PTK2B: variants seen among roughly 807,000 people sequenced by gnomAD.
The protein encoded by PTK2B is protein-tyrosine kinase 2-beta.
PTK2B carries 71 observed loss-of-function variants against 142.9 expected under a neutral mutation model. That is an observed-to-expected ratio of 0.50 (90% CI 0.41 to 0.61). The LOEUF (loss-of-function observed/expected upper bound fraction) is 0.61, where lower values mean the gene tolerates loss of function less well. PTK2B is among the 20% of genes least tolerant of loss of function. The pLI is 0.00. For synonymous variants in PTK2B, 519 were observed against 503.4 expected (o/e 1.03, Z -0.42); for missense variants, 1,105 against 1,320.4 (o/e 0.84, Z 2.53).
intron 1 of PTK2B, among the ~76,000 whole-genome samples, chr8:27,328,882 C>A (rs1803569010): frequency 6.6e-6 from 1 of 151,920 alleles, no homozygotes; most frequent in Non-Finnish European, 1.5e-5. Flanking sequence ...CTAATTCATT[C>A]TAGACTAGGC....
At chr8:27,454,706 A>G in intron 30 of PTK2B, 95 bp downstream of exon 30, 1 of 1,299,760 alleles carries the variant, frequency 7.7e-7, no homozygotes, top group Non-Finnish European at 1.1e-6. Context: ...GGGCAACCTC[A>G]TGTCTGTCCA....
chr8:27,372,484 T>C (rs533388086), intron 1 of PTK2B, among the ~76,000 whole-genome samples: 1 of 152,298 alleles, frequency 6.6e-6, no homozygotes, highest in East Asian at 1.9e-4. Flanking sequence ...TTTTGTTCTA[T>C]TTAGGCCTTT....
rs550097285 is a variant in PTK2B, at chr8:27,386,423, C to A, written c.-37-11125C>A. ...AATTGGCAATTGTACTAGTTCATTT[C>A]AAGTCCATGAACATAAGTTTTTCTT... is the stretch of plus-strand genomic sequence containing the variant. On this transcript the variant is annotated intron_variant, in intron 1 of 30. Coordinates refer to ENST00000346049, the MANE Select transcript of PTK2B (RefSeq NM_173176.3). Among the ~76,000 whole-genome samples, 4 of 152,294 alleles carry A rather than the reference C, an allele frequency of 2.6e-5. No homozygotes were observed. In the South Asian group the frequency reaches 8.3e-4, roughly 32 times the overall value.
At chr8:27,389,170 A>G (rs1807555734) in intron 1 of PTK2B, among the ~76,000 whole-genome samples, 2 of 152,080 alleles carry the variant, frequency 1.3e-5, no homozygotes, top group Non-Finnish European at 1.5e-5. Flanking sequence ...ATTATGATCT[A>G]ATAGATGGGG....
intron 1 of PTK2B, among the ~76,000 whole-genome samples, chr8:27,382,552 C>T (rs1807090555): frequency 1.3e-5 from 2 of 151,346 alleles, no homozygotes; most frequent in African/African-American, 4.9e-5. Flanking sequence ...GAGATGCTGT[C>T]TCTGTTTTTT....
At chr8:27,353,363 GCTGTTTTT>G (rs1464570583) in intron 1 of PTK2B, among the ~76,000 whole-genome samples, 1 of 152,186 alleles carries the variant, frequency 6.6e-6, no homozygotes, top group Non-Finnish European at 1.5e-5. Flanking sequence ...CCAAGAAAGT[GCTGTTTTT>G]TGCTAGGACA....
At chr8:27,433,996 G>A (rs1810607830) in intron 11 of PTK2B, 97 bp from the exon 12 acceptor site, 12 of 1,438,240 alleles carry the variant, frequency 8.3e-6, no homozygotes, top group African/African-American at 1.4e-5. Context: ...GGCTGGGATG[G>A]GAGGAGAGTC....
chr8:27,440,549 A>G, intron 21 of PTK2B, 108 bp downstream of exon 21: 3 of 1,321,382 alleles, frequency 2.3e-6, no homozygotes, highest in Non-Finnish European at 2.1e-6. Flanking sequence ...AAGACGGGCC[A>G]GGGTCAAGGA....
intron 5 of PTK2B, among the ~76,000 whole-genome samples, chr8:27,423,200 C>A (rs1809868636): frequency 6.6e-6 from 1 of 152,106 alleles, no homozygotes; most frequent in African/African-American, 2.4e-5. Context: ...AAAAAATAGG[C>A]CTTATTCTTA....
intron 24 of PTK2B, among the ~76,000 whole-genome samples, chr8:27,448,652 C>T (rs900239808): frequency 1.6e-4 from 25 of 152,316 alleles, no homozygotes; most frequent in Non-Finnish European, 3.1e-4. Context: ...GTAGCTCATC[C>T]AACTGGTACT....
chr8:27,424,339 T>C (rs956667691), intron 5 of PTK2B, among the ~76,000 whole-genome samples: 8 of 152,154 alleles, frequency 5.3e-5, no homozygotes, highest in Non-Finnish European at 1.0e-4. Context: ...CACTAATGTA[T>C]TGGAGGACAG....
At chr8:27,438,056 AGTTGC>A in intron 18 of PTK2B, 176 bp downstream of exon 18, 1 of 607,180 alleles carries the variant, frequency 1.6e-6, no homozygotes, top group East Asian at 2.8e-5. Flanking sequence ...TCATCTGTAA[AGTTGC>A]AGGCACTGTA....
chr8:27,347,880 C>T (rs548743127), intron 1 of PTK2B, among the ~76,000 whole-genome samples: 10 of 152,342 alleles, frequency 6.6e-5, no homozygotes, highest in Middle Eastern at 3.4e-3. Flanking sequence ...TTGCCTTCCT[C>T]CCCTGCTTCT....
At chr8:27,343,585 G>A (rs1187667646) in intron 1 of PTK2B, among the ~76,000 whole-genome samples, 1 of 152,214 alleles carries the variant, frequency 6.6e-6, no homozygotes, top group African/African-American at 2.4e-5. Flanking sequence ...CCAGCTCACA[G>A]AATGCACCTT....
chr8:27,357,069 A>G (rs1300818133), intron 1 of PTK2B, among the ~76,000 whole-genome samples: 1 of 152,236 alleles, frequency 6.6e-6, no homozygotes, highest in African/African-American at 2.4e-5. Context: ...GAATGAATCC[A>G]TGTAAAAAAA....
At chr8:27,417,969 G>A (rs1273247424) in intron 2 of PTK2B, among the ~76,000 whole-genome samples, 1 of 152,132 alleles carries the variant, frequency 6.6e-6, no homozygotes, top group Non-Finnish European at 1.5e-5. Context: ...GGAGAAATGG[G>A]TAGAGAGGAT....
intron 1 of PTK2B, among the ~76,000 whole-genome samples, chr8:27,356,020 CAAAA>C (rs771855049): frequency 9.4e-6 from 1 of 106,380 alleles, no homozygotes; most frequent in African/African-American, 3.6e-5. Flanking sequence ...AAGACTGTCT[CAAAA>C]AAAAAAAAAA....
rs376321919 is a variant in PTK2B at position 27,454,228 on chromosome 8, C to A, written c.2670C>A (p.Ala890=). Residue 890 remains alanine (A), a synonymous_variant, in exon 29 of 31, where the codon GCC becomes GCA. Coordinates refer to ENST00000346049, the MANE Select transcript of PTK2B (RefSeq NM_173176.3). ...TCAATGTCATGGAGCTGGTGCGGGCCGTGCTGGAGCTCAAGAATGAGCTCT... is the reference window on the plus strand; with the variant it reads ...TCAATGTCATGGAGCTGGTGCGGGCAGTGCTGGAGCTCAAGAATGAGCTCT... The part of the protein sequence containing the change: ...VYLNVMELVR[A]VLELKNELCQ... 1 of 1,614,108 alleles carries A rather than the reference C, an allele frequency of 6.2e-7. No homozygotes were observed. Among genetic ancestry groups the A allele is most frequent in the South Asian group, 1.1e-5 (1 of 91,080 alleles).
chr8:27,430,015 T>C lies in PTK2B; in HGVS notation c.552-78T>C, dbSNP rs908166451. On this transcript the variant is annotated intron_variant, in intron 5 of 30. Transcript: ENST00000346049. The stretch of plus-strand genomic sequence containing the variant: ...ACGTATGGCAGGGGAAGGGGGCTTC[T>C]GGTGGCATGAGGTGCCCTGGGTCTG... 9.1e-6 allele frequency: 12 copies of C among 1,324,486 alleles called. No individual in the cohort carries two copies. The African/African-American group carries it at 1.3e-4, about 14-fold the overall frequency. The allele number at this position is 1,324,486 out of a possible 1,614,324, so 82.0% of individuals were successfully genotyped here. A position where few individuals can be genotyped will look rare whatever the true frequency, so the allele number is the denominator to read the frequency against.
Sources: allele counts gnomAD v4.1 joint callset (sites outside exome capture counted in the v4.1 genomes callset), GRCh38; gene constraint gnomAD v4.1.1; transcripts MANE v1.5; gene names NCBI Gene and HGNC (gene_info 2026-07-23, HGNC 2026-07-21).